Variants in RFFL observed in about 807,000 individuals in gnomAD.
The protein encoded by RFFL is E3 ubiquitin-protein ligase rififylin.
Under a neutral mutation model 40.4 loss-of-function variants are expected in RFFL, and 16 were observed. The observed-to-expected ratio is 0.40, with a 90% CI of 0.27 to 0.60. RFFL has a LOEUF of 0.60. Ranked by LOEUF, RFFL falls within the 20% of genes least tolerant of loss-of-function variation. The pLI is 0.47. For missense variants in RFFL, 367 were observed against 451.7 expected, an observed-to-expected ratio of 0.81 and a Z score of 1.70; for synonymous variants, 154 against 167.9, an observed-to-expected ratio of 0.92 and a Z score of 0.64.
At chr17:35,073,730 A>C (rs939519296) in intron 1 of RFFL, 2 of 152,058 alleles carry the variant, frequency 1.3e-5, no homozygotes, top group African/African-American at 4.8e-5. Context: ...GAATTCAATT[A>C]ATTGGGAAGG....
At chr17:35,069,495 G>A in intron 1 of RFFL, 1 of 361,060 alleles carries the variant, frequency 2.8e-6, no homozygotes, top group South Asian at 2.1e-5. Context: ...AAGAGGGAGA[G>A]AAGGCAGAAG....
At chr17:35,012,207 G>C in intron 6 of RFFL, 58 bp from the exon 7 acceptor site, 3 of 1,462,326 alleles carry the variant, frequency 2.1e-6, no homozygotes, top group Non-Finnish European at 2.8e-6. Context: ...AATGTCTTAA[G>C]TGTATAGGGG....
At chr17:35,033,458 G>A (rs1045687714) in intron 1 of RFFL, among the ~76,000 whole-genome samples, 3 of 151,934 alleles carry the variant, frequency 2.0e-5, no homozygotes, top group Non-Finnish European at 4.4e-5. Flanking sequence ...AACCTGGGAG[G>A]TGGAAGTTGC....
At chr17:35,033,260 G>C (rs1054345139) in intron 1 of RFFL, among the ~76,000 whole-genome samples, 8 of 152,038 alleles carry the variant, frequency 5.3e-5, no homozygotes, top group Non-Finnish European at 8.8e-5. Context: ...TGGGCATGGT[G>C]GCTCATGGCT....
At chr17:35,021,258 A>G in intron 3 of RFFL, 113 bp downstream of exon 3, 1 of 1,092,760 alleles carries the variant, frequency 9.2e-7, no homozygotes, top group Non-Finnish European at 1.3e-6. Flanking sequence ...AAGGCTTCAC[A>G]TAATCAAGAC....
chr17:35,065,574 A>AG (rs1192661839), upstream of RFFL, among the ~76,000 whole-genome samples: 12 of 151,962 alleles, frequency 7.9e-5, no homozygotes, highest in African/African-American at 2.2e-4. Flanking sequence ...AAAAAAAAAA[A>AG]AAAGAAAGAG....
intron 1 of RFFL, among the ~76,000 whole-genome samples, chr17:35,070,685 G>T (rs772376363): frequency 2.7e-4 from 41 of 152,056 alleles, no homozygotes; most frequent in Non-Finnish European, 3.8e-4. Context: ...TCTATTGCTG[G>T]GTAAAAAGAG....
At position 35,011,836 on chromosome 17, in the gene RFFL, C is replaced by T; in HGVS notation, c.*132G>A. The T allele has an allele frequency of 1.2e-6, 1 of 828,094 alleles. No homozygotes were observed. Among genetic ancestry groups the T allele is most frequent in the Non-Finnish European group, 1.9e-6 (1 of 516,394 alleles). 51.3% of individuals were successfully genotyped at this position (828,094 alleles called of 1,614,324 possible). On this transcript the variant is annotated 3_prime_UTR_variant, in exon 7 of 7. Transcript: ENST00000394597. Reference sequence around the variant, plus strand: ...ACAGGCATGCTCAGGGGTGACATGGCATCTTGCTTGACCTGGTTTTGGGAA... The same window carrying T: ...ACAGGCATGCTCAGGGGTGACATGGTATCTTGCTTGACCTGGTTTTGGGAA...
chr17:35,024,970 C>G (rs1332570861), intron 2 of RFFL, among the ~76,000 whole-genome samples: 1 of 152,144 alleles, frequency 6.6e-6, no homozygotes, highest in Non-Finnish European at 1.5e-5. Context: ...ACCATCCAAA[C>G]TGGAATTTTT....
upstream of RFFL, among the ~76,000 whole-genome samples, chr17:35,065,481 G>A (rs772954229): frequency 4.0e-5 from 6 of 151,252 alleles, no homozygotes; most frequent in South Asian, 2.1e-4. Context: ...GCTTGAACCC[G>A]GGAGGCAGAG....
chr17:35,034,658 A>G (rs2091108309), intron 1 of RFFL, among the ~76,000 whole-genome samples: 1 of 151,870 alleles, frequency 6.6e-6, no homozygotes, highest in African/African-American at 2.4e-5. Flanking sequence ...CCTCCCGAGT[A>G]GCTGGGACAA....
At chr17:35,088,761 G>C (rs542813257) in intron 1 of RFFL, 2 of 152,352 alleles carry the variant, frequency 1.3e-5, no homozygotes, top group African/African-American at 4.8e-5. Context: ...TTCTTCTGAC[G>C]TACAAAGAGG....
chr17:35,059,278 C>T (rs2091278964), intron 1 of RFFL, among the ~76,000 whole-genome samples: 1 of 152,042 alleles, frequency 6.6e-6, no homozygotes, highest in Non-Finnish European at 1.5e-5. Flanking sequence ...CTCGGCCTCC[C>T]AAAGTGCTGA....
intron 4 of RFFL, 46 bp from the exon 5 acceptor site, chr17:35,016,626 C>A (rs769980320): frequency 1.3e-5 from 19 of 1,502,916 alleles, no homozygotes; most frequent in Non-Finnish European, 1.8e-5. Flanking sequence ...CTTACCTCCC[C>A]AAGCTCTTTC....
intron 1 of RFFL, chr17:35,042,238 A>G (rs12453967): frequency 6.6e-6 from 1 of 152,138 alleles, no homozygotes; most frequent in Non-Finnish European, 1.5e-5. Context: ...ATCATCTCTT[A>G]ACTTGGAAGG....
intron 1 of RFFL, among the ~76,000 whole-genome samples, chr17:35,058,498 T>C (rs1272392666): frequency 6.6e-6 from 1 of 152,116 alleles, no homozygotes; most frequent in Non-Finnish European, 1.5e-5. Flanking sequence ...GTAGGCCAGG[T>C]GCGGTGGCTC....
At chr17:35,025,055 C>T (rs1441287397) in intron 2 of RFFL, 1 of 152,264 alleles carries the variant, frequency 6.6e-6, no homozygotes, top group Non-Finnish European at 1.5e-5. Context: ...CCTCACCTCC[C>T]TGTCCAACTG....
intron 1 of RFFL, among the ~76,000 whole-genome samples, chr17:35,038,886 T>C (rs2091143726): frequency 6.6e-6 from 1 of 152,184 alleles, no homozygotes; most frequent in Admixed American, 6.5e-5. Context: ...TCTAGTTACA[T>C]TTGAATTAAA....
intron 1 of RFFL, among the ~76,000 whole-genome samples, chr17:35,040,614 A>G (rs2091157711): frequency 6.6e-6 from 1 of 151,520 alleles, no homozygotes; most frequent in South Asian, 2.1e-4. Context: ...AAAAAAAAAA[A>G]AGTAAAAAAA....
Sources: gnomAD v4.1 joint callset for allele counts (sites outside exome capture counted in the v4.1 genomes callset) on GRCh38, gnomAD v4.1.1 for gene constraint, MANE v1.5 for transcripts, NCBI Gene and HGNC (gene_info 2026-07-23, HGNC 2026-07-21) for gene names.